Variants in ARHGEF2 observed in about 807,000 individuals in gnomAD.
ARHGEF2 encodes the protein rho guanine nucleotide exchange factor 2.
A neutral mutation model predicts 121.0 loss-of-function variants in ARHGEF2; 22 were observed. The observed-to-expected ratio is 0.18, with a 90% CI of 0.13 to 0.26. The LOEUF (loss-of-function observed/expected upper bound fraction) is 0.26. Among genes scored for constraint, ARHGEF2 ranks in the 10% least tolerant of loss-of-function variants. The pLI is 1.00. For missense variants in ARHGEF2, 907 were observed against 1,336.0 expected (o/e 0.68, Z 5.01); for synonymous variants, 487 against 530.0 (o/e 0.92, Z 1.11).
intron 11 of ARHGEF2, 30 bp from the exon 12 acceptor site, chr1:155,958,426 C>T: frequency 6.3e-7 from 1 of 1,577,950 alleles, no homozygotes; most frequent in Non-Finnish European, 8.7e-7. Context: ...GGAGAACAGT[C>T]AGCACTAGAC....
chr1:155,964,529 G>T (rs907635434), intron 7 of ARHGEF2, among the ~76,000 whole-genome samples: 1 of 152,076 alleles, frequency 6.6e-6, no homozygotes, highest in African/African-American at 2.4e-5. Flanking sequence ...GAGACCAACA[G>T]CATCAAGAGG....
chr1:155,969,670 A>C (rs1372823346), intron 1 of ARHGEF2: 1 of 1,038,256 alleles, frequency 9.6e-7, no homozygotes, highest in Non-Finnish European at 1.2e-6. Context: ...GCTAGGGGGA[A>C]GATGCGCAGA....
chr1:155,977,263 G>A, intron 1 of ARHGEF2, among the ~76,000 whole-genome samples: 1 of 152,130 alleles, frequency 6.6e-6, no homozygotes, highest in African/African-American at 2.4e-5. Flanking sequence ...GGTGCTGTCT[G>A]CAGGCACCAC....
chr1:155,964,144 C>CAAAAAAA (rs71576039), intron 7 of ARHGEF2, among the ~76,000 whole-genome samples: 9 of 55,764 alleles, frequency 1.6e-4, no homozygotes, highest in African/African-American at 9.4e-4. Context: ...GACTCTGCTT[C>CAAAAAAA]AAAAAAAAAA....
At position 155,950,764 on chromosome 1, in the gene ARHGEF2, T is replaced by C. The variant is rs889084810; in HGVS notation, c.2703+65A>G. The C allele has an allele frequency of 1.8e-5, 26 of 1,472,128 alleles. No homozygotes were observed. The highest frequency in any genetic ancestry group is 2.3e-5 in the Non-Finnish European group (25 of 1,094,882). The allele number at this position is 1,472,128 out of a possible 1,614,324, so 91.2% of individuals were successfully genotyped here. A position where few individuals can be genotyped will look rare whatever the true frequency, so the allele number is the denominator to read the frequency against. ...GGGCTCAAATCCCCAATGGCCCAAT[T>C]TCTTTCGGGCTCCATGGACCCTTAT... On this transcript the variant is annotated intron_variant, in intron 20 of 21. Transcript: ENST00000361247. This position sits in a 1 kb window ranked among gnomAD's most constrained non-coding sequence, Gnocchi z 5.2.
chr1:155,960,213 C>G (rs769027604), intron 11 of ARHGEF2, among the ~76,000 whole-genome samples: 1 of 152,070 alleles, frequency 6.6e-6, no homozygotes, highest in Non-Finnish European at 1.5e-5. Context: ...ATTTACAATC[C>G]CAGCACTTTG....
chr1:155,978,763 C>G, upstream of ARHGEF2: 3 of 849,200 alleles, frequency 3.5e-6, no homozygotes, highest in Non-Finnish European at 4.4e-6. The surrounding 1 kb of genome is among the most constrained non-coding windows in gnomAD (Gnocchi z 4.1). Context: ...TGGGGGCGCC[C>G]TCTAGCCCCA....
chr1:155,966,745 T>C lies in ARHGEF2; in HGVS notation c.276+75A>G. 3 of 1,431,914 alleles carry C rather than the reference T, an allele frequency of 2.1e-6. No homozygotes were observed. The South Asian group carries it at 3.4e-5, about 16-fold the overall frequency. 88.7% of individuals were successfully genotyped at this position (1,431,914 alleles called of 1,614,324 possible). On this transcript the variant is annotated intron_variant, in intron 3 of 21. Transcript: ENST00000361247. ...GTGGTGAGAAACACAGGGTAGGGAATGAATGGAAAAGGCATGAGGGTACCG... is the reference window on the plus strand; with the variant it reads ...GTGGTGAGAAACACAGGGTAGGGAACGAATGGAAAAGGCATGAGGGTACCG...
At chr1:155,973,389 C>T (rs1191842221) in intron 1 of ARHGEF2, among the ~76,000 whole-genome samples, 1 of 152,166 alleles carries the variant, frequency 6.6e-6, no homozygotes, top group Non-Finnish European at 1.5e-5. Context: ...CTCTGGAAGT[C>T]AGAAGACCAA....
rs996506195 is a variant in ARHGEF2, at chr1:155,975,991, A to G, written c.63+2374T>C. Among the ~76,000 whole-genome samples the G allele has an allele frequency of 4.6e-5, 7 of 152,124 alleles. No homozygotes were observed. In the East Asian group the frequency reaches 1.4e-3, roughly 29 times the overall value. On this transcript the variant is annotated intron_variant, in intron 1 of 21. Transcript: ENST00000361247. ...GAGAACAGAAATGGAGTGAAAAGAA[A>G]AAGGAAGCATGGAGGGGGCTACACA...
chr1:155,950,727 C>T lies in ARHGEF2; in HGVS notation c.2703+102G>A. The T allele has an allele frequency of 8.3e-7, 1 of 1,211,862 alleles. No homozygotes were observed. The allele number at this position is 1,211,862 out of a possible 1,614,324, so 75.1% of individuals were successfully genotyped here. On this transcript the variant is annotated intron_variant, in intron 20 of 21. Coordinates refer to ENST00000361247, the MANE Select transcript of ARHGEF2 (RefSeq NM_001162383.2). The surrounding 1 kb of genome is among the most constrained non-coding windows in gnomAD (Gnocchi z 5.2). ...TCTCAATATCCTTCAAGTCAGTTGA[C>T]TGATTGCATTTGGGCTCAAATCCCC...
At chr1:155,974,536 C>T (rs987670244) in intron 1 of ARHGEF2, among the ~76,000 whole-genome samples, 1 of 152,066 alleles carries the variant, frequency 6.6e-6, no homozygotes, top group Non-Finnish European at 1.5e-5. Flanking sequence ...GGCCCTGCTC[C>T]TTTATGAGCT....
chr1:155,977,987 C>T (rs1261794086), intron 1 of ARHGEF2: 53 of 732,212 alleles, frequency 7.2e-5, no homozygotes, highest in Non-Finnish European at 1.9e-5. Context: ...CGGTGGGGCC[C>T]GGGGTGAGAG....
chr1:155,970,432 T>C, intron 1 of ARHGEF2: 1 of 985,458 alleles, frequency 1.0e-6, no homozygotes, highest in Non-Finnish European at 1.2e-6. Context: ...CCTTCCTTAG[T>C]TGTGACTCTG....
In ARHGEF2 at chr1:155,962,702, G is replaced by A. The variant is rs763347486; in HGVS notation, c.992C>T (p.Ala331Val). The stretch of plus-strand genomic sequence containing the variant: ...CGAGTAGGTCTTACACATCTGCTCC[G>A]CACTAGGACCTGAGAACTAGAAGTT... ...LLISQFSGPSAEQMCKTYSEF... is the reference protein window; with the variant it reads ...LLISQFSGPSVEQMCKTYSEF... The change falls in exon 9 of 22, where the codon GCG becomes GTG. Residue 331 changes from alanine to valine, a missense_variant. By Grantham distance (64) the Ala-to-Val change is moderately conservative. Around this residue, in one of 2 missense-constraint regions of ARHGEF2, gnomAD observed 475 missense variants for 776.5 expected, o/e 0.61. Transcript: ENST00000361247. This position sits in a 1 kb window ranked among gnomAD's most constrained non-coding sequence, Gnocchi z 5.8. The A allele has an allele frequency of 9.3e-6, 15 of 1,614,084 alleles. No individual in the cohort carries two copies. The highest frequency in any genetic ancestry group is 2.2e-5 in the East Asian group (1 of 44,876).
chr1:155,975,143 C>A (rs368769938), intron 1 of ARHGEF2, among the ~76,000 whole-genome samples: 1 of 152,192 alleles, frequency 6.6e-6, no homozygotes, highest in Non-Finnish European at 1.5e-5. Flanking sequence ...GAAGCTACTT[C>A]CTCGTGGCCA....
rs947315747 is a variant in ARHGEF2 at position 155,978,302 on chromosome 1, G to A, written c.63+63C>T. The A allele has an allele frequency of 3.4e-5, 48 of 1,401,724 alleles. No individual in the cohort carries two copies. In the African/African-American group the frequency reaches 5.6e-4, roughly 16 times the overall value. The allele number at this position is 1,401,724 out of a possible 1,614,324, so 86.8% of individuals were successfully genotyped here. On this transcript the variant is annotated intron_variant, in intron 1 of 21. Transcript: ENST00000361247. The surrounding 1 kb of genome is among the most constrained non-coding windows in gnomAD (Gnocchi z 4.1). ...GGCGGGGAGACAGGAGATGCACCGC[G>A]GGTGCCGGGGTTCGGGGAGCACCCG...
intron 1 of ARHGEF2, among the ~76,000 whole-genome samples, chr1:155,976,758 G>GA (rs1681374991): frequency 6.6e-6 from 1 of 151,712 alleles, no homozygotes; most frequent in African/African-American, 2.4e-5. Flanking sequence ...TCAAACGGTT[G>GA]AAAAAATAAA....
Position 155,947,864 on chromosome 1 carries a change from T to C in ARHGEF2, c.*78A>G. 2 of 803,838 alleles carry C rather than the reference T, an allele frequency of 2.5e-6. No individual in the cohort carries two copies. The highest frequency in any genetic ancestry group is 2.9e-4 in the Middle Eastern group (1 of 3,458). The allele number at this position is 803,838 out of a possible 1,614,324, so 49.8% of individuals were successfully genotyped here. ...GTTCTTTCAAATGTTCCCTCATCAT[T>C]GGCAAATTGGAGTCCCCAAGGTTAG... is the stretch of plus-strand genomic sequence containing the variant. On this transcript the variant is annotated 3_prime_UTR_variant, in exon 22 of 22. Coordinates refer to ENST00000361247, the MANE Select transcript of ARHGEF2 (RefSeq NM_001162383.2).
Sources: gnomAD v4.1 joint callset for allele counts (sites outside exome capture counted in the v4.1 genomes callset) on GRCh38, gnomAD v4.1.1 for gene constraint, gnomAD v4.1.1 regional missense constraint, Gnocchi (gnomAD v3.1) non-coding constraint, MANE v1.5 for transcripts, NCBI Gene and HGNC (gene_info 2026-07-23, HGNC 2026-07-21) for gene names.